GSE1: variants seen among roughly 807,000 people sequenced by gnomAD.
GSE1 encodes genetic suppressor element 1.
A neutral mutation model predicts 112.6 loss-of-function variants in GSE1; 32 were observed. The observed-to-expected ratio is 0.28, with a 90% CI of 0.21 to 0.38. GSE1 has a LOEUF of 0.38. Ranked by LOEUF, GSE1 falls within the 10% of genes least tolerant of loss-of-function variation. The pLI is 1.00. For missense variants in GSE1, 2,348 were observed against 1,699.2 expected, an observed-to-expected ratio of 1.38 and a Z score of -6.71; for synonymous variants, 1,115 against 735.6, an observed-to-expected ratio of 1.52 and a Z score of -8.35.
At chr16:85,422,369 CG>C (rs1467172483) in intron 2 of GSE1, among the ~76,000 whole-genome samples, 1,233 of 78,552 alleles carry the variant, frequency 0.016, 8 homozygotes, top group Non-Finnish European at 0.027. Context: ...CTGGGCGGGG[CG>C]GGGGGGGGTG....
At chr16:85,646,527 G>C (rs554008457) in intron 2 of GSE1, among the ~76,000 whole-genome samples, 1 of 152,364 alleles carries the variant, frequency 6.6e-6, no homozygotes, top group East Asian at 1.9e-4. Flanking sequence ...TCTGCGGCCT[G>C]CCTTGTTGGG....
intron 2 of GSE1, among the ~76,000 whole-genome samples, chr16:85,473,308 G>A (rs1003352476): frequency 6.6e-6 from 1 of 152,218 alleles, no homozygotes; most frequent in East Asian, 1.9e-4. Context: ...TGGAAACCAA[G>A]TTAGTGCAGG....
intron 1 of GSE1, among the ~76,000 whole-genome samples, chr16:85,182,563 C>G (rs556081863): frequency 1.3e-5 from 2 of 152,306 alleles, no homozygotes; most frequent in East Asian, 3.9e-4. Context: ...GTTTTCTGAG[C>G]GCCCAGGGGT....
intron 2 of GSE1, among the ~76,000 whole-genome samples, chr16:85,479,310 G>A (rs1248234229): frequency 6.7e-6 from 1 of 149,154 alleles, no homozygotes; most frequent in Non-Finnish European, 1.5e-5. Flanking sequence ...AGGATTACAG[G>A]CGTGAGCCAC....
intron 10 of GSE1, 27 bp downstream of exon 10, chr16:85,663,120 T>G (rs2052566622): frequency 1.4e-6 from 2 of 1,468,660 alleles, no homozygotes; most frequent in East Asian, 4.5e-5. Context: ...CCCACGGACA[T>G]GCTCTGGGCT....
chr16:85,672,607 T>TAATA lies in GSE1; in HGVS notation c.*69_*72dup. ...TATCTATTTTATTACCTTGAATATT[T>TAATA]AATATTTTTCACTGGGAGGTTTGAA... is the stretch of plus-strand genomic sequence containing the variant. On this transcript the variant is annotated 3_prime_UTR_variant, in exon 16 of 16. Coordinates refer to ENST00000253458, the MANE Select transcript of GSE1 (RefSeq NM_014615.5). 3.5e-6 allele frequency: 4 copies of TAATA among 1,133,104 alleles called. No individual in the cohort carries two copies. Among genetic ancestry groups the TAATA allele is most frequent in the Non-Finnish European group, 4.8e-6 (4 of 827,768 alleles). 70.2% of individuals were successfully genotyped at this position (1,133,104 alleles called of 1,614,324 possible).
chr16:85,663,704 G>C, intron 11 of GSE1, 90 bp downstream of exon 11: 2 of 1,315,382 alleles, frequency 1.5e-6, no homozygotes, highest in Non-Finnish European at 2.1e-6. Context: ...ACTCCAGGCA[G>C]GATCTGCGAT....
At chr16:85,519,847 T>C (rs1214858996) in intron 2 of GSE1, among the ~76,000 whole-genome samples, 3 of 152,228 alleles carry the variant, frequency 2.0e-5, no homozygotes, top group Non-Finnish European at 2.9e-5. Flanking sequence ...AGTGCTCCCC[T>C]TCCTTCCTGA....
At chr16:85,666,458 A>G in intron 13 of GSE1, 111 bp downstream of exon 13, 2 of 940,744 alleles carry the variant, frequency 2.1e-6, no homozygotes, top group Non-Finnish European at 3.3e-6. Context: ...GTTTTTATAA[A>G]CTCCAATCAC....
intron 2 of GSE1, among the ~76,000 whole-genome samples, chr16:85,501,158 G>T (rs531699863): frequency 6.6e-6 from 1 of 151,526 alleles, no homozygotes; most frequent in East Asian, 2.0e-4. Flanking sequence ...CCCCCACCAC[G>T]CCCAGCTAAT....
Position 85,674,068 on chromosome 16 carries a change from TCAAGA to T in GSE1, c.*1530_*1534del, listed in dbSNP as rs2053546110. On this transcript the variant is annotated 3_prime_UTR_variant, in exon 16 of 16. Coordinates refer to ENST00000253458, the MANE Select transcript of GSE1 (RefSeq NM_014615.5). ...ACTGCCTATGGAGGCAGTGTTTAGA[TCAAGA>T]AGGCCTCTCTTGCTCCCAAGGGCCC... is the stretch of plus-strand genomic sequence containing the variant. 1 of 152,248 alleles carries T rather than the reference TCAAGA, an allele frequency of 6.6e-6. No homozygotes were observed. The highest frequency in any genetic ancestry group is 1.5e-5 in the Non-Finnish European group (1 of 68,070). The allele number at this position is 152,248 out of a possible 1,614,324, so 9.4% of individuals were successfully genotyped here. A position where few individuals can be genotyped will look rare whatever the true frequency, so the allele number is the denominator to read the frequency against.
At chr16:85,369,269 G>A (rs776692027) in intron 2 of GSE1, among the ~76,000 whole-genome samples, 2 of 152,002 alleles carry the variant, frequency 1.3e-5, no homozygotes, top group Admixed American at 6.6e-5. Context: ...AGGCTGGAGT[G>A]CAGTGGCGTG....
intron 1 of GSE1, among the ~76,000 whole-genome samples, chr16:85,567,308 G>A (rs2151312550): frequency 6.6e-6 from 1 of 152,344 alleles, no homozygotes; most frequent in East Asian, 1.9e-4. Context: ...TATTCTCCCA[G>A]CTGCTGTGCG....
At chr16:85,198,729 C>T (rs2143528333) in intron 1 of GSE1, among the ~76,000 whole-genome samples, 1 of 152,272 alleles carries the variant, frequency 6.6e-6, no homozygotes, top group East Asian at 1.9e-4. Flanking sequence ...TAGCCCCTTG[C>T]TCCTTGCCAG....
chr16:85,338,654 C>T (rs2046556625), intron 1 of GSE1, among the ~76,000 whole-genome samples: 1 of 152,214 alleles, frequency 6.6e-6, no homozygotes, highest in African/African-American at 2.4e-5. Context: ...TATCCAGCGG[C>T]TCCTAAAGGC....
chr16:85,587,728 A>G (rs959559486), intron 1 of GSE1, among the ~76,000 whole-genome samples: 1 of 151,568 alleles, frequency 6.6e-6, no homozygotes, highest in Non-Finnish European at 1.5e-5. Flanking sequence ...AGCCAGTGCT[A>G]GAGGGCTGGG....
chr16:85,335,238 C>T (rs8061198), intron 1 of GSE1, among the ~76,000 whole-genome samples: 10,295 of 152,314 alleles, frequency 0.068, 483 homozygotes, highest in East Asian at 0.14. Context: ...GCTCTGAGCC[C>T]GGGGGTGAGC....
chr16:85,271,541 A>C (rs1050525282), intron 1 of GSE1, among the ~76,000 whole-genome samples: 2 of 152,236 alleles, frequency 1.3e-5, no homozygotes, highest in Non-Finnish European at 1.5e-5. Flanking sequence ...ATCATCTGCC[A>C]AAGTGCGGGA....
intron 2 of GSE1, among the ~76,000 whole-genome samples, chr16:85,365,814 A>G (rs577867522): frequency 6.6e-6 from 1 of 152,336 alleles, no homozygotes; most frequent in South Asian, 2.1e-4. Context: ...GATGGCTTTC[A>G]GTGTGCATAC....
Sources: allele counts gnomAD v4.1 joint callset (sites outside exome capture counted in the v4.1 genomes callset), GRCh38; gene constraint gnomAD v4.1.1; transcripts MANE v1.5; gene names NCBI Gene and HGNC (gene_info 2026-07-23, HGNC 2026-07-21).